The following ABCA13 variants were observed in gnomAD, a reference collection of about 807,000 sequenced individuals.
The protein encoded by ABCA13 is ATP binding cassette subfamily A member 13.
A neutral mutation model predicts 478.7 loss-of-function variants in ABCA13; 476 were observed. That is an observed-to-expected ratio of 0.99 (90% CI 0.92 to 1.07). The LOEUF is 1.07. Among genes scored for constraint, ABCA13 ranks in the 50% least tolerant of loss-of-function variants. The pLI is 0.00. For synonymous variants in ABCA13, 2,252 were observed against 2,158.9 expected, an observed-to-expected ratio of 1.04 and a Z score of -1.20; for missense variants, 6,060 against 5,910.6, an observed-to-expected ratio of 1.03 and a Z score of -0.83.
chr7:48,296,504 G>A (rs1170021512), intron 21 of ABCA13, among the ~76,000 whole-genome samples: 1 of 149,622 alleles, frequency 6.7e-6, no homozygotes, highest in African/African-American at 2.5e-5. Flanking sequence ...CTGTTGCCCA[G>A]GCTGGAGTGC....
chr7:48,174,653 C>T (rs1794602031), intron 1 of ABCA13, among the ~76,000 whole-genome samples: 1 of 151,992 alleles, frequency 6.6e-6, no homozygotes, highest in African/African-American at 2.4e-5. Flanking sequence ...AAAAACAGTA[C>T]TAAAACAAAA....
Position 48,279,479 on chromosome 7 carries a change from T to A in ABCA13, c.8285T>A (p.Met2762Lys). The change falls in exon 18 of 62, where the codon ATG becomes AAG. Residue 2762 changes from methionine (M) to lysine (K), a missense_variant. Met to Lys is a moderately conservative substitution (Grantham distance 95, BLOSUM62 -1). Coordinates refer to ENST00000435803, the MANE Select transcript of ABCA13 (RefSeq NM_152701.5). ...KDNWNVSNVL[M>K]TFTQHPNNLL... ...AATTGGAATGTTTCTAATGTGTTGA[T>A]GACATTTACTCAGCATCCAAATAAC... The A allele has an allele frequency of 6.2e-7, 1 of 1,612,140 alleles. No homozygotes were observed. Among genetic ancestry groups the A allele is most frequent in the South Asian group, 1.1e-5 (1 of 90,828 alleles).
At chr7:48,451,604 T>C (rs1017386466) in intron 42 of ABCA13, among the ~76,000 whole-genome samples, 4 of 152,224 alleles carry the variant, frequency 2.6e-5, no homozygotes, top group African/African-American at 9.6e-5. Flanking sequence ...AACTGTATAT[T>C]CCTGAACGTT....
intron 35 of ABCA13, among the ~76,000 whole-genome samples, chr7:48,383,954 G>T (rs1404667523): frequency 6.6e-6 from 1 of 152,276 alleles, no homozygotes; most frequent in Admixed American, 6.5e-5. Flanking sequence ...CTCCTACTTT[G>T]CAAGTTTAAA....
intron 38 of ABCA13, among the ~76,000 whole-genome samples, chr7:48,397,543 G>T (rs769985688): frequency 9.2e-5 from 14 of 152,090 alleles, no homozygotes; most frequent in Non-Finnish European, 1.3e-4. Context: ...GGAGGGCACT[G>T]GGGAAAACCA....
intron 3 of ABCA13, among the ~76,000 whole-genome samples, chr7:48,202,656 G>A (rs1744820614): frequency 6.6e-6 from 1 of 151,126 alleles, no homozygotes; most frequent in Admixed American, 6.6e-5. Context: ...GTTCTCCAAG[G>A]CCCCACCTGA....
intron 20 of ABCA13, among the ~76,000 whole-genome samples, chr7:48,293,198 C>CCCG (rs1554419712): frequency 7.4e-6 from 1 of 134,772 alleles, no homozygotes; most frequent in Non-Finnish European, 1.7e-5. Context: ...TTCAGCCCCC[C>CCCG]CCCCGCCACA....
chr7:48,500,130 C>T (rs1340369121), intron 48 of ABCA13, among the ~76,000 whole-genome samples: 2 of 152,208 alleles, frequency 1.3e-5, no homozygotes, highest in Non-Finnish European at 2.9e-5. Context: ...CACTCACCAA[C>T]CTTGGCTACA....
intron 16 of ABCA13, among the ~76,000 whole-genome samples, chr7:48,269,464 C>CA (rs1377777898): frequency 6.6e-6 from 1 of 152,156 alleles, no homozygotes; most frequent in Non-Finnish European, 1.5e-5. Context: ...CTGTTAGTTT[C>CA]AAAGACTCCT....
chr7:48,572,469 A>G (rs1258313253), intron 55 of ABCA13, among the ~76,000 whole-genome samples: 1 of 152,050 alleles, frequency 6.6e-6, no homozygotes, highest in Non-Finnish European at 1.5e-5. Flanking sequence ...ATGCCCAGCT[A>G]TTTTTATAAG....
Position 48,279,586 on chromosome 7 carries a change from T to C in ABCA13, c.8392T>C (p.Tyr2798His). The C allele has an allele frequency of 1.2e-6, 2 of 1,613,358 alleles. No individual in the cohort carries two copies. Among genetic ancestry groups the C allele is most frequent in the Admixed American group, 1.7e-5 (1 of 59,998 alleles). Residue 2798 changes from tyrosine (Y) to histidine (H), a missense_variant, in exon 18 of 62, where the codon TAT becomes CAT. Coordinates refer to ENST00000435803, the MANE Select transcript of ABCA13 (RefSeq NM_152701.5). ...DYEGDLNKSL[Y>H]FDTPLSQNIT... Reference sequence around the variant, plus strand: ...TGAAGGTGATTTGAATAAAAGTTTATATTTTGACACACCTTTGAGTCAGAA... The same window carrying C: ...TGAAGGTGATTTGAATAAAAGTTTACATTTTGACACACCTTTGAGTCAGAA...
At chr7:48,573,454 G>T (rs1348021456) in intron 55 of ABCA13, among the ~76,000 whole-genome samples, 1 of 151,958 alleles carries the variant, frequency 6.6e-6, no homozygotes, top group African/African-American at 2.4e-5. Context: ...CCAGTGCTCT[G>T]GGAGGTTAAG....
chr7:48,529,030 T>C (rs1386052461), intron 55 of ABCA13, among the ~76,000 whole-genome samples: 1 of 152,166 alleles, frequency 6.6e-6, no homozygotes, highest in African/African-American at 2.4e-5. Flanking sequence ...ATTCTTCACC[T>C]CCTTCTAAAC....
rs79709943 is a variant in ABCA13, at chr7:48,497,974, C to A, written c.13292-8362C>A. Among the ~76,000 whole-genome samples, 632 of 152,300 alleles carry A rather than the reference C, an allele frequency of 4.1e-3. 6 individuals are homozygous for A. The highest frequency in any genetic ancestry group is 0.014 in the African/African-American group (591 of 41,564). On this transcript the variant is annotated intron_variant, in intron 48 of 61. Coordinates refer to ENST00000435803, the MANE Select transcript of ABCA13 (RefSeq NM_152701.5). ...TATTCTGCACTTCTGGGTTCAGTCT[C>A]ATTGCTGTCAGGTAGATATGGAGGC...
At chr7:48,390,817 G>T (rs1815939581) in intron 37 of ABCA13, among the ~76,000 whole-genome samples, 1 of 152,142 alleles carries the variant, frequency 6.6e-6, no homozygotes, top group Non-Finnish European at 1.5e-5. Flanking sequence ...AGGCAACCCA[G>T]CTTCTTTATG....
rs1305308818 is a variant in ABCA13 at position 48,412,455 on chromosome 7, G to A, written c.12331G>A (p.Glu4111Lys). ...QAFLKDSSGS[E>K]LTYTIPKDTD... ...ATTTCTCAAAGACAGCAGTGGAAGT[G>A]AGCTGACCTACACCATTCCAAAGGA... The change falls in exon 41 of 62, where the codon GAG becomes AAG. Residue 4111 changes from glutamate (E) to lysine (K), a missense_variant. Glu to Lys is a moderately conservative substitution (Grantham distance 56). Coordinates refer to ENST00000435803, the MANE Select transcript of ABCA13 (RefSeq NM_152701.5). The A allele has an allele frequency of 1.2e-6, 2 of 1,613,244 alleles. No individual in the cohort carries two copies. The highest frequency in any genetic ancestry group is 1.7e-6 in the Non-Finnish European group (2 of 1,179,778).
At chr7:48,369,615 G>A (rs1309111971) in intron 32 of ABCA13, among the ~76,000 whole-genome samples, 1 of 152,138 alleles carries the variant, frequency 6.6e-6, no homozygotes, top group Non-Finnish European at 1.5e-5. Flanking sequence ...CATGTGGGTT[G>A]CCAATTATCC....
rs544221586 is a variant in ABCA13 at position 48,644,519 on chromosome 7, C to T, written c.14944-98C>T. 23 of 1,298,084 alleles carry T rather than the reference C, an allele frequency of 1.8e-5. No homozygotes were observed. The East Asian group carries it at 4.0e-4, about 23-fold the overall frequency. 80.4% of individuals were successfully genotyped at this position (1,298,084 alleles called of 1,614,324 possible). A position where few individuals can be genotyped will look rare whatever the true frequency, so the allele number is the denominator to read the frequency against. ...CAAAATTAAGTGTAGGTTGAGAAAA[C>T]GTAACTGAATTTTTTTGCCAATTAA... On this transcript the variant is annotated intron_variant, in intron 60 of 61. Transcript: ENST00000435803.
Position 48,273,630 on chromosome 7 carries a change from A to G in ABCA13, c.3964A>G (p.Asn1322Asp), listed in dbSNP as rs1312332562. 1 of 1,604,020 alleles carries G rather than the reference A, an allele frequency of 6.2e-7. No homozygotes were observed. Among genetic ancestry groups the G allele is most frequent in the Non-Finnish European group, 8.5e-7 (1 of 1,174,588 alleles). The change falls in exon 17 of 62, where the codon AAT becomes GAT. Residue 1322 changes from asparagine to aspartate, a missense_variant. By Grantham distance (23) the Asn-to-Asp change is conservative (BLOSUM62 1). Coordinates refer to ENST00000435803, the MANE Select transcript of ABCA13 (RefSeq NM_152701.5). ...CACAAATTATGGAGAAAAATTTGAAAATATCATCACTGAGCTAAGAGAAGC... is the reference window on the plus strand; with the variant it reads ...CACAAATTATGGAGAAAAATTTGAAGATATCATCACTGAGCTAAGAGAAGC... ...NLTNYGEKFE[N>D]IITELREAIV... is the part of the protein sequence containing the mutation.
Sources: gnomAD v4.1 joint callset for allele counts (sites outside exome capture counted in the v4.1 genomes callset) on GRCh38, gnomAD v4.1.1 for gene constraint, MANE v1.5 for transcripts, NCBI Gene and HGNC (gene_info 2026-07-23, HGNC 2026-07-21) for gene names.